MICAL3: variants seen among roughly 807,000 people sequenced by gnomAD.
MICAL3 encodes the protein microtubule associated monooxygenase, calponin and LIM domain containing 3.
MICAL3 carries 62 observed loss-of-function variants against 207.4 expected under a neutral mutation model. The ratio of observed to expected loss-of-function variants is 0.30; its 90% CI spans 0.24 to 0.37. The LOEUF (loss-of-function observed/expected upper bound fraction) is 0.37, where lower values mean the gene tolerates loss of function less well. Among genes scored for constraint, MICAL3 ranks in the 10% least tolerant of loss-of-function variants. The pLI, the probability that MICAL3 is intolerant of heterozygous loss-of-function variation, is 1.00. For missense variants in MICAL3, 2,368 were observed against 2,635.6 expected, an observed-to-expected ratio of 0.90 and a Z score of 2.22; for synonymous variants, 1,077 against 1,069.3, an observed-to-expected ratio of 1.01 and a Z score of -0.14.
chr22:17,959,346 G>A (rs865933606), intron 1 of MICAL3, among the ~76,000 whole-genome samples: 4 of 149,822 alleles, frequency 2.7e-5, no homozygotes, highest in Admixed American at 6.6e-5. Context: ...ACAGAGTCTC[G>A]CTCTGTCACC....
chr22:17,994,380 C>G (rs1425822679), intron 1 of MICAL3, among the ~76,000 whole-genome samples: 1 of 152,210 alleles, frequency 6.6e-6, no homozygotes, highest in Non-Finnish European at 1.5e-5. Context: ...GCTTCCAACA[C>G]TGGCACTGGC....
At chr22:17,829,894 ACTGT>A (rs1922613433) in intron 21 of MICAL3, among the ~76,000 whole-genome samples, 1 of 151,502 alleles carries the variant, frequency 6.6e-6, no homozygotes, top group East Asian at 1.9e-4. Flanking sequence ...TTTGCGCCTG[ACTGT>A]CTGGGCAGGC....
At position 17,885,993 on chromosome 22, in the gene MICAL3, T is replaced by C; in HGVS notation, c.2126A>G (p.Asp709Gly). 1 of 1,614,024 alleles carries C rather than the reference T, an allele frequency of 6.2e-7. No individual in the cohort carries two copies. Among genetic ancestry groups the C allele is most frequent in the Non-Finnish European group, 8.5e-7 (1 of 1,179,892 alleles). Residue 709 changes from aspartate to glycine, a missense_variant, in exon 16 of 32, where the codon GAC becomes GGC. Physicochemically the swap from Asp to Gly is moderately conservative, Grantham distance 94. This residue lies in a region of MICAL3 where 1,770 missense variants were observed against 1,863.2 expected (regional missense o/e 0.95). Coordinates refer to ENST00000441493, the MANE Select transcript of MICAL3 (RefSeq NM_015241.3). ...ERPTLVSTLT[D>G]RRMDVAVGNQ... ...CCCAACGGCAACGTCCATCCTCCTG[T>C]CTGTCAGAGTGCTCACCAGGGTCGG...
intron 19 of MICAL3, chr22:17,862,719 A>C: frequency 1.0e-6 from 1 of 985,476 alleles, no homozygotes. Context: ...TTTTCTACCA[A>C]GGCTAGCAGC....
intron 19 of MICAL3, among the ~76,000 whole-genome samples, chr22:17,853,822 AAC>A (rs748275395): frequency 6.6e-5 from 10 of 152,232 alleles, no homozygotes; most frequent in Non-Finnish European, 7.3e-5. Flanking sequence ...GTACAGAAAC[AAC>A]ACAGGATCTC....
intron 17 of MICAL3, among the ~76,000 whole-genome samples, chr22:17,871,295 C>G (rs1671293191): frequency 6.6e-6 from 1 of 152,170 alleles, no homozygotes; most frequent in African/African-American, 2.4e-5. Context: ...TTGAACACCA[C>G]AGTAAATCAG....
At chr22:17,884,237 A>G (rs1929671935) in intron 16 of MICAL3, 3 of 1,472,822 alleles carry the variant, frequency 2.0e-6, no homozygotes, top group East Asian at 2.4e-5. Flanking sequence ...GAAGGCCTGG[A>G]GAGACAGCAC....
At position 17,819,247 on chromosome 22, in the gene MICAL3, G is replaced by A. The variant is rs184313461; in HGVS notation, c.3532-118C>T. On this transcript the variant is annotated intron_variant, in intron 25 of 31. Coordinates refer to ENST00000441493, the MANE Select transcript of MICAL3 (RefSeq NM_015241.3). ...CCTGTGCCTGCTGCAGGACTTCCCC[G>A]TCCTTCCAGCTGTTATTAGAACAGC... 9.0e-4 allele frequency: 958 copies of A among 1,064,918 alleles called. 1 individual carries two copies. The highest frequency in any genetic ancestry group is 3.1e-3 in the Admixed American group (88 of 28,330). The allele number at this position is 1,064,918 out of a possible 1,614,324, so 66.0% of individuals were successfully genotyped here. A position where few individuals can be genotyped will look rare whatever the true frequency, so the allele number is the denominator to read the frequency against.
At chr22:17,969,106 G>C (rs925097228) in intron 1 of MICAL3, among the ~76,000 whole-genome samples, 1 of 152,050 alleles carries the variant, frequency 6.6e-6, no homozygotes, top group Admixed American at 6.5e-5. Context: ...GCAGTAGCAG[G>C]ATCTCAGCTC....
chr22:18,019,805 G>GTTTTTTTTTT (rs1569169676), intron 1 of MICAL3: 1 of 128,242 alleles, frequency 7.8e-6, no homozygotes. Context: ...GAATGCTGCT[G>GTTTTTTTTTT]ATTTTTTTTT....
Position 17,856,741 on chromosome 22 carries a change from C to A in MICAL3, c.2605+8158G>T, listed in dbSNP as rs537637155. On this transcript the variant is annotated intron_variant, in intron 19 of 31. Transcript: ENST00000441493. Reference sequence around the variant, plus strand: ...GGTTCACGCCATTCTCCTGCCTCAGCCTCCCGAGTAGCTGGGACTACAGGC... The same window carrying A: ...GGTTCACGCCATTCTCCTGCCTCAGACTCCCGAGTAGCTGGGACTACAGGC... Among the ~76,000 whole-genome samples the A allele has an allele frequency of 7.9e-5, 12 of 151,722 alleles. No individual in the cohort carries two copies. In the East Asian group the frequency reaches 2.1e-3, roughly 27 times the overall value.
chr22:17,893,936 A>T, intron 10 of MICAL3, 32 bp from the exon 11 acceptor site: 1 of 1,466,590 alleles, frequency 6.8e-7, no homozygotes, highest in Non-Finnish European at 9.3e-7. Flanking sequence ...AAACAGAAAG[A>T]AAATCAAATA....
intron 21 of MICAL3, among the ~76,000 whole-genome samples, chr22:17,828,357 T>C (rs1014804003): frequency 6.6e-6 from 1 of 152,220 alleles, no homozygotes; most frequent in Non-Finnish European, 1.5e-5. Context: ...GAGATAGACT[T>C]TGCTGGCACT....
chr22:17,860,439 C>T (rs1344478628), intron 19 of MICAL3: 8 of 985,332 alleles, frequency 8.1e-6, no homozygotes, highest in East Asian at 1.1e-4. Context: ...GCCGGGAAGC[C>T]GGCTGGCTGT....
intron 16 of MICAL3, among the ~76,000 whole-genome samples, chr22:17,872,416 G>T (rs1244369796): frequency 6.6e-6 from 1 of 152,110 alleles, no homozygotes; most frequent in Non-Finnish European, 1.5e-5. Context: ...GGATGGGAGG[G>T]GCATGATGGA....
Position 17,887,306 on chromosome 22 carries a change from G to C in MICAL3, c.2004+17C>G. 1 of 1,611,612 alleles carries C rather than the reference G, an allele frequency of 6.2e-7. No homozygotes were observed. The highest frequency in any genetic ancestry group is 8.5e-7 in the Non-Finnish European group (1 of 1,177,860). ...TGCCATTAGCTTTGCAGCCCATCAA[G>C]AGACTCCTCCACATACCTTGGGAGA... On this transcript the variant is annotated intron_variant, in intron 14 of 31. Transcript: ENST00000441493.
intron 2 of MICAL3, 106 bp downstream of exon 2, chr22:17,906,443 C>A (rs1931724895): frequency 1.2e-6 from 2 of 1,602,844 alleles, no homozygotes; most frequent in Non-Finnish European, 8.5e-7. Context: ...TTCTTGGCAC[C>A]CAGACCTTGT....
intron 19 of MICAL3, among the ~76,000 whole-genome samples, chr22:17,847,789 T>C (rs1366408525): frequency 6.6e-6 from 1 of 152,260 alleles, no homozygotes; most frequent in Non-Finnish European, 1.5e-5. Context: ...GCTGTGACTC[T>C]GAAGAAAGAT....
rs868390647 is a variant in MICAL3 at position 17,885,915 on chromosome 22, T to C, written c.2204A>G (p.Glu735Gly). The change falls in exon 16 of 32, where the codon GAG becomes GGG. Residue 735 changes from glutamate to glycine, a missense_variant. Transcript: ENST00000441493. ...MATQLLAKFE[E>G]NAPAQSIGIR... ...GCCGATGGACTGTGCGGGCGCATTC[T>C]CTTCAAATTTGGCCAGCAGCTGGGT... The C allele has an allele frequency of 1.9e-6, 3 of 1,614,022 alleles. No individual in the cohort carries two copies. Among genetic ancestry groups the C allele is most frequent in the Middle Eastern group, 3.3e-4 (2 of 6,062 alleles).
Sources: gnomAD v4.1 joint callset for allele counts (sites outside exome capture counted in the v4.1 genomes callset) on GRCh38, gnomAD v4.1.1 for gene constraint, gnomAD v4.1.1 regional missense constraint, MANE v1.5 for transcripts, NCBI Gene and HGNC (gene_info 2026-07-23, HGNC 2026-07-21) for gene names.